Variants in PTPRG observed in about 807,000 individuals in gnomAD.
PTPRG encodes the protein protein tyrosine phosphatase receptor type G.
A neutral mutation model predicts 165.3 loss-of-function variants in PTPRG; 102 were observed. The observed-to-expected ratio is 0.62, with a 90% CI of 0.53 to 0.73. The LOEUF (loss-of-function observed/expected upper bound fraction) is 0.73, where lower values mean the gene tolerates loss of function less well. PTPRG is among the 30% of genes least tolerant of loss of function. The probability of loss-of-function intolerance (pLI) is 0.00; values close to 1 mark genes in which losing one functional copy is unlikely to be tolerated. For missense variants in PTPRG, 1,866 were observed against 1,861.4 expected, an observed-to-expected ratio of 1.00 and a Z score of -0.05; for synonymous variants, 675 against 669.5, an observed-to-expected ratio of 1.01 and a Z score of -0.13.
In PTPRG at chr3:62,206,912, CAAAAAAAAAAAAAA is replaced by C. The variant is rs556974355; in HGVS notation, c.2155+2976_2155+2989del. ...CCACTGACAGAGCAAGACTCTGTCT[CAAAAAAAAAAAAAA>C]AAAAAAAAAAAAAGAAGGACCTCCT... is the stretch of plus-strand genomic sequence containing the variant. On this transcript the variant is annotated intron_variant, in intron 12 of 29. Coordinates refer to ENST00000474889, the MANE Select transcript of PTPRG (RefSeq NM_002841.4). Among the ~76,000 whole-genome samples, 25 of 37,338 alleles carry C rather than the reference CAAAAAAAAAAAAAA, an allele frequency of 6.7e-4. 1 individual carries two copies. The highest frequency in any genetic ancestry group is 0.019 in the Middle Eastern group (1 of 54). 24.5% of individuals were successfully genotyped at this position (37,338 alleles called of 152,430 possible).
At chr3:61,889,515 A>ACT (rs1210393615) in intron 2 of PTPRG, among the ~76,000 whole-genome samples, 2 of 152,240 alleles carry the variant, frequency 1.3e-5, no homozygotes, top group Non-Finnish European at 2.9e-5. Context: ...CATACTCAGT[A>ACT]ATGTGAAAAC....
chr3:61,562,133 G>A lies in PTPRG; in HGVS notation c.-155G>A, dbSNP rs949617543. The A allele has an allele frequency of 2.3e-5, 10 of 442,784 alleles. No individual in the cohort carries two copies. The highest frequency in any genetic ancestry group is 3.8e-5 in the Non-Finnish European group (9 of 236,908). 27.4% of individuals were successfully genotyped at this position (442,784 alleles called of 1,614,324 possible). A position where few individuals can be genotyped will look rare whatever the true frequency, so the allele number is the denominator to read the frequency against. Reference sequence around the variant, plus strand: ...TCCGGGGGGCGCTCGGCGGCTTCCCGGATTCCAAGGGGACTCGGGCCGCCG... The same window carrying A: ...TCCGGGGGGCGCTCGGCGGCTTCCCAGATTCCAAGGGGACTCGGGCCGCCG... On this transcript the variant is annotated 5_prime_UTR_variant, in exon 1 of 30. Transcript: ENST00000474889.
At chr3:62,186,268 T>C (rs1388984175) in intron 8 of PTPRG, among the ~76,000 whole-genome samples, 1 of 152,174 alleles carries the variant, frequency 6.6e-6, no homozygotes, top group Non-Finnish European at 1.5e-5. Flanking sequence ...GAATGAATTG[T>C]GTGGCACTGA....
intron 2 of PTPRG, among the ~76,000 whole-genome samples, chr3:61,976,337 A>G (rs1343638821): frequency 6.6e-6 from 1 of 152,220 alleles, no homozygotes; most frequent in African/African-American, 2.4e-5. Context: ...GAATGTTGCC[A>G]GGAGGCATAG....
intron 4 of PTPRG, among the ~76,000 whole-genome samples, chr3:62,012,285 C>T (rs551278324): frequency 2.0e-5 from 3 of 152,144 alleles, no homozygotes; most frequent in African/African-American, 7.2e-5. Flanking sequence ...ATCTCCAACA[C>T]CTTAACCATA....
At chr3:62,241,777 C>T (rs1701165841) in intron 14 of PTPRG, among the ~76,000 whole-genome samples, 2 of 152,032 alleles carry the variant, frequency 1.3e-5, no homozygotes, top group Non-Finnish European at 2.9e-5. Flanking sequence ...GTCTTAAAAT[C>T]AAAGTTATTT....
rs1293614405 is a variant in PTPRG, at chr3:62,233,838, AC to A, written c.2375+2530del. ...AGAGGAAAAAAACATTGAAGATCAG[AC>A]CCAAGTATTTAATTTTTTAATAAAG... On this transcript the variant is annotated intron_variant, in intron 14 of 29. Transcript: ENST00000474889. The surrounding 1 kb of genome is among the most constrained non-coding windows in gnomAD (Gnocchi z 4.7). 6.6e-6 allele frequency among the ~76,000 whole-genome samples: 1 copy of A among 152,210 alleles called. No individual in the cohort carries two copies. Among genetic ancestry groups the A allele is most frequent in the Non-Finnish European group, 1.5e-5 (1 of 68,044 alleles).
chr3:62,040,165 A>T (rs1019834623), intron 4 of PTPRG, among the ~76,000 whole-genome samples: 1 of 152,206 alleles, frequency 6.6e-6, no homozygotes, highest in African/African-American at 2.4e-5. Context: ...CCTAATGAAC[A>T]TAAGAAGAAA....
intron 2 of PTPRG, among the ~76,000 whole-genome samples, chr3:61,882,359 C>G (rs191513102): frequency 6.6e-5 from 10 of 152,218 alleles, no homozygotes; most frequent in Non-Finnish European, 1.2e-4. Flanking sequence ...TTTTGGGAAG[C>G]CAAAATGTCC....
intron 2 of PTPRG, among the ~76,000 whole-genome samples, chr3:61,979,517 ATAGT>A (rs975419477): frequency 7.9e-5 from 12 of 152,192 alleles, no homozygotes; most frequent in Non-Finnish European, 1.3e-4. Flanking sequence ...GCTATTTTAG[ATAGT>A]TAGGTCAGAA....
intron 1 of PTPRG, among the ~76,000 whole-genome samples, chr3:61,718,760 T>C (rs1245065877): frequency 6.6e-6 from 1 of 152,196 alleles, no homozygotes; most frequent in Non-Finnish European, 1.5e-5. Flanking sequence ...GAATTGGACT[T>C]TGCAGAAAGG....
rs1470966150 is a variant in PTPRG at position 61,820,618 on chromosome 3, T to G, written c.190+71636T>G. On this transcript the variant is annotated intron_variant, in intron 2 of 29. Transcript: ENST00000474889. The stretch of plus-strand genomic sequence containing the variant: ...CTGTGTCTCTGTTTTTTTTTTTTTT[T>G]TTTTTTTTTTTACTGTGGCTTTAGG... 4.0e-5 allele frequency among the ~76,000 whole-genome samples: 6 copies of G among 148,566 alleles called. 1 individual carries two copies. In the East Asian group the frequency reaches 8.3e-4, roughly 20 times the overall value.
At chr3:61,930,040 ATTT>A (rs11437496) in intron 2 of PTPRG, among the ~76,000 whole-genome samples, 3 of 137,068 alleles carry the variant, frequency 2.2e-5, no homozygotes, top group Non-Finnish European at 3.2e-5. Flanking sequence ...ATAATGCGGT[ATTT>A]TTTTTTTTTT....
chr3:61,669,437 GGTCTGTGGCTTAACAGT>G (rs1702904366), intron 1 of PTPRG, among the ~76,000 whole-genome samples: 1 of 152,100 alleles, frequency 6.6e-6, no homozygotes, highest in Non-Finnish European at 1.5e-5. Flanking sequence ...AGTCACAGCT[GGTCTGTGGCTTAACAGT>G]GTCTGCAGGG....
At chr3:61,719,538 C>T (rs997785321) in intron 1 of PTPRG, among the ~76,000 whole-genome samples, 5 of 152,170 alleles carry the variant, frequency 3.3e-5, no homozygotes, top group African/African-American at 1.2e-4. Context: ...TGTCAGCAGG[C>T]TTGGCAGTGG....
chr3:61,938,982 A>G (rs1001953070), intron 2 of PTPRG, among the ~76,000 whole-genome samples: 1 of 152,202 alleles, frequency 6.6e-6, no homozygotes, highest in Non-Finnish European at 1.5e-5. Context: ...GACATCAATC[A>G]TATTTGCTTG....
chr3:61,895,026 T>G (rs1197020144), intron 2 of PTPRG, among the ~76,000 whole-genome samples: 1 of 152,202 alleles, frequency 6.6e-6, no homozygotes, highest in African/African-American at 2.4e-5. Flanking sequence ...CCCATAGCTG[T>G]GACAACCAGT....
intron 1 of PTPRG, among the ~76,000 whole-genome samples, chr3:61,642,383 T>C (rs910195128): frequency 2.0e-5 from 3 of 152,180 alleles, no homozygotes; most frequent in Non-Finnish European, 4.4e-5. Context: ...CTTGAGATCT[T>C]CTGTTCTGGT....
intron 1 of PTPRG, among the ~76,000 whole-genome samples, chr3:61,646,656 T>C (rs1419635442): frequency 6.6e-6 from 1 of 152,236 alleles, no homozygotes; most frequent in African/African-American, 2.4e-5. Context: ...TTGTATTTAC[T>C]CAGTGGTGTT....
Sources: allele counts gnomAD v4.1 joint callset (sites outside exome capture counted in the v4.1 genomes callset), GRCh38; gene constraint gnomAD v4.1.1; non-coding constraint Gnocchi (gnomAD v3.1); transcripts MANE v1.5; gene names NCBI Gene and HGNC (gene_info 2026-07-23, HGNC 2026-07-21).